The following EYS variants were observed in gnomAD, a reference collection of about 807,000 sequenced individuals.
EYS encodes protein eyes shut homolog.
EYS carries 250 observed loss-of-function variants against 282.1 expected under a neutral mutation model. That is an observed-to-expected ratio of 0.89 (90% CI 0.80 to 0.98). The LOEUF is 0.98. Ranked by LOEUF, EYS falls within the 50% of genes least tolerant of loss-of-function variation. The probability of loss-of-function intolerance (pLI) is 0.00; values close to 1 mark genes in which losing one functional copy is unlikely to be tolerated. For synonymous variants in EYS, 1,355 were observed against 1,282.9 expected, an observed-to-expected ratio of 1.06 and a Z score of -1.20; for missense variants, 4,016 against 3,709.0, an observed-to-expected ratio of 1.08 and a Z score of -2.15.
chr6:64,959,341 T>C (rs1769834976), intron 14 of EYS, among the ~76,000 whole-genome samples: 1 of 152,196 alleles, frequency 6.6e-6, no homozygotes, highest in African/African-American at 2.4e-5. Context: ...GACATAATCA[T>C]TACTCCTCTC....
At position 64,388,037 on chromosome 6, in the gene EYS, G is replaced by C. The variant is rs556689780; in HGVS notation, c.6078+653C>G. Among the ~76,000 whole-genome samples, 7 of 152,094 alleles carry C rather than the reference G, an allele frequency of 4.6e-5. No individual in the cohort carries two copies. In the East Asian group the frequency reaches 1.4e-3, roughly 29 times the overall value. ...AAATGCAATGGTAAATATAATAAGGGAAAAGATTAATAAATGTAATAAGCT... is the reference window on the plus strand; with the variant it reads ...AAATGCAATGGTAAATATAATAAGGCAAAAGATTAATAAATGTAATAAGCT... On this transcript the variant is annotated intron_variant, in intron 29 of 42. Coordinates refer to ENST00000503581, the MANE Select transcript of EYS (RefSeq NM_001142800.2).
chr6:64,871,740 G>A (rs966233896), intron 19 of EYS, among the ~76,000 whole-genome samples: 13 of 151,984 alleles, frequency 8.6e-5, no homozygotes, highest in African/African-American at 3.1e-4. Context: ...TGCAGATGCA[G>A]CTTTGATTTG....
At chr6:65,274,909 GGA>G (rs3042964) in intron 12 of EYS, among the ~76,000 whole-genome samples, 106,254 of 148,386 alleles carry the variant, frequency 0.72, 38,424 homozygotes, top group East Asian at 0.87. Flanking sequence ...CAAAAAAAAA[GGA>G]GAGAGAGAGA....
chr6:64,010,514 T>G (rs1011011010), intron 33 of EYS, among the ~76,000 whole-genome samples: 1 of 151,906 alleles, frequency 6.6e-6, no homozygotes, highest in African/African-American at 2.4e-5. Flanking sequence ...TACTTTAGAG[T>G]TTTTTCAGGC....
intron 1 of EYS, among the ~76,000 whole-genome samples, chr6:65,671,698 G>A (rs185831335): frequency 1.9e-4 from 29 of 152,196 alleles, no homozygotes; most frequent in Admixed American, 3.3e-4. Context: ...TAGCCCAAGT[G>A]AGTATCATGC....
Position 64,739,815 on chromosome 6 carries a change from A to G in EYS, c.3443+73563T>C, listed in dbSNP as rs1030006236. The stretch of plus-strand genomic sequence containing the variant: ...TACATAAATGTTAGGGTCCTAGAAT[A>G]ACCCTATTAGGGTTCCTTCATCCAT... On this transcript the variant is annotated intron_variant, in intron 22 of 42. Transcript: ENST00000503581. Among the ~76,000 whole-genome samples, 44 of 152,322 alleles carry G rather than the reference A, an allele frequency of 2.9e-4. 1 individual carries two copies. The highest frequency in any genetic ancestry group is 9.6e-4 in the African/African-American group (40 of 41,592).
chr6:64,982,909 A>G (rs1770725336), intron 14 of EYS, among the ~76,000 whole-genome samples: 1 of 151,220 alleles, frequency 6.6e-6, no homozygotes, highest in South Asian at 2.1e-4. Flanking sequence ...GTTACCCTTC[A>G]GCTGTCCAGT....
Position 64,033,292 on chromosome 6 carries a change from C to T in EYS, c.6725+33046G>A, listed in dbSNP as rs1306892169. Among the ~76,000 whole-genome samples the T allele has an allele frequency of 3.3e-5, 5 of 152,164 alleles. No homozygotes were observed. The South Asian group carries it at 8.3e-4, about 25-fold the overall frequency. On this transcript the variant is annotated intron_variant, in intron 33 of 42. Transcript: ENST00000503581. ...CACCTACTCATCGTAAGTCTACTTCCGTTAGAGAAAAAAGGCTCCTTTTAC... is the reference window on the plus strand; with the variant it reads ...CACCTACTCATCGTAAGTCTACTTCTGTTAGAGAAAAAAGGCTCCTTTTAC...
chr6:63,972,943 G>A lies in EYS; in HGVS notation c.7055+11440C>T, dbSNP rs1207591867. Reference sequence around the variant, plus strand: ...TTCTTTATCCAGTCTATCATTGATGGGCATTTGGGTTGGTTCCAAGTCTTT... The same window carrying A: ...TTCTTTATCCAGTCTATCATTGATGAGCATTTGGGTTGGTTCCAAGTCTTT... On this transcript the variant is annotated intron_variant, in intron 35 of 42. Coordinates refer to ENST00000503581, the MANE Select transcript of EYS (RefSeq NM_001142800.2). Among the ~76,000 whole-genome samples, 9 of 152,172 alleles carry A rather than the reference G, an allele frequency of 5.9e-5. No homozygotes were observed. In the East Asian group the frequency reaches 7.7e-4, roughly 13 times the overall value.
At chr6:64,621,596 T>G (rs1767448258) in intron 23 of EYS, among the ~76,000 whole-genome samples, 1 of 152,214 alleles carries the variant, frequency 6.6e-6, no homozygotes, top group South Asian at 2.1e-4. Context: ...GTATCTCTTT[T>G]GTTCTAAATG....
intron 22 of EYS, among the ~76,000 whole-genome samples, chr6:64,686,791 G>GTA (rs1222024843): frequency 0.01 from 219 of 21,350 alleles, 4 homozygotes; most frequent in Middle Eastern, 0.062. Flanking sequence ...ATATATATGT[G>GTA]TGTATATATA....
intron 12 of EYS, among the ~76,000 whole-genome samples, chr6:65,230,952 T>C (rs1289074843): frequency 6.6e-6 from 1 of 150,686 alleles, no homozygotes; most frequent in Non-Finnish European, 1.5e-5. Flanking sequence ...TATTTCATAC[T>C]AGGCTTAATA....
intron 14 of EYS, among the ~76,000 whole-genome samples, chr6:64,949,165 T>C (rs183567931): frequency 1.1e-4 from 16 of 152,054 alleles, no homozygotes; most frequent in Admixed American, 3.3e-4. Flanking sequence ...GCCTAAAAGA[T>C]TACTACAAGT....
chr6:63,943,514 A>C (rs959626787), intron 35 of EYS, among the ~76,000 whole-genome samples: 26 of 152,256 alleles, frequency 1.7e-4, no homozygotes, highest in Non-Finnish European at 3.5e-4. Context: ...AACATTACAA[A>C]AATGAATTAA....
Position 65,552,957 on chromosome 6 carries a change from C to T in EYS, c.-332-56964G>A, listed in dbSNP as rs369723890. On this transcript the variant is annotated intron_variant, in intron 2 of 42. Coordinates refer to ENST00000503581, the MANE Select transcript of EYS (RefSeq NM_001142800.2). ...AAATTGCATTAATGAAAAATATATTCACTATCTGTTGTTTCTTTTAAATGA... is the reference window on the plus strand; with the variant it reads ...AAATTGCATTAATGAAAAATATATTTACTATCTGTTGTTTCTTTTAAATGA... Among the ~76,000 whole-genome samples the T allele has an allele frequency of 2.6e-5, 4 of 152,146 alleles. No individual in the cohort carries two copies. The South Asian group carries it at 8.3e-4, about 32-fold the overall frequency.
chr6:64,399,253 A>G (rs1773473408), intron 28 of EYS, among the ~76,000 whole-genome samples: 1 of 151,724 alleles, frequency 6.6e-6, no homozygotes, highest in South Asian at 2.1e-4. Context: ...TTACTATACA[A>G]GCAATATAAG....
chr6:64,781,063 A>G (rs1458393102), intron 22 of EYS, among the ~76,000 whole-genome samples: 2 of 152,080 alleles, frequency 1.3e-5, no homozygotes, highest in Admixed American at 6.6e-5. Flanking sequence ...TCAAGACTCA[A>G]GGTATTAGAA....
In EYS at chr6:64,029,270, G is replaced by A. The variant is rs544357060; in HGVS notation, c.6726-30087C>T. The stretch of plus-strand genomic sequence containing the variant: ...CTCAGACTTGTGGGACAACCCCACA[G>A]CCAGTGGCATACCTAAGTAAGGAAA... On this transcript the variant is annotated intron_variant, in intron 33 of 42. Transcript: ENST00000503581. 6.8e-4 allele frequency among the ~76,000 whole-genome samples: 103 copies of A among 152,336 alleles called. No homozygotes were observed. The East Asian group carries it at 9.1e-3, about 13-fold the overall frequency.
chr6:64,323,752 TG>T (rs1770303082), intron 29 of EYS, among the ~76,000 whole-genome samples: 1 of 152,274 alleles, frequency 6.6e-6, no homozygotes, highest in Non-Finnish European at 1.5e-5. Flanking sequence ...AATAAAATGC[TG>T]TACAACTACA....
Sources: gnomAD v4.1 joint callset for allele counts (sites outside exome capture counted in the v4.1 genomes callset) on GRCh38, gnomAD v4.1.1 for gene constraint, MANE v1.5 for transcripts, NCBI Gene and HGNC (gene_info 2026-07-23, HGNC 2026-07-21) for gene names.